Variants in HADHA observed in about 807,000 individuals in gnomAD.
HADHA encodes trifunctional enzyme subunit alpha, mitochondrial.
A neutral mutation model predicts 91.3 loss-of-function variants in HADHA; 59 were observed. The observed-to-expected ratio is 0.65, with a 90% confidence interval of 0.52 to 0.80. The LOEUF (loss-of-function observed/expected upper bound fraction) is 0.80. HADHA is among the 30% of genes least tolerant of loss of function. HADHA has a pLI of 0.00. For synonymous variants in HADHA, 320 were observed against 338.9 expected (o/e 0.94, Z 0.61); for missense variants, 800 against 927.6 (o/e 0.86, Z 1.79).
At chr2:26,234,400 A>G in intron 4 of HADHA, 45 bp from the exon 5 acceptor site, 5 of 1,550,760 alleles carry the variant, frequency 3.2e-6, no homozygotes, top group Non-Finnish European at 4.5e-6. Context: ...AGATAAAACT[A>G]TAATTTATTT....
chr2:26,198,369 G>GTT (rs57357827), intron 13 of HADHA, among the ~76,000 whole-genome samples: 2,233 of 146,896 alleles, frequency 0.015, 44 homozygotes, highest in African/African-American at 0.049. Context: ...ACTTATTCAT[G>GTT]TTTTTTTTTT....
At chr2:26,191,700 A>G in intron 18 of HADHA, 72 bp from the exon 19 acceptor site, 2 of 1,517,618 alleles carry the variant, frequency 1.3e-6, no homozygotes, top group Non-Finnish European at 9.2e-7. Context: ...CAGATGCAGA[A>G]TGGAAGTCGG....
intron 1 of HADHA, 132 bp downstream of exon 1, chr2:26,244,398 C>A (rs1671021552): frequency 8.0e-6 from 7 of 879,940 alleles, no homozygotes; most frequent in Middle Eastern, 3.1e-4. Flanking sequence ...GGTCCCAGGG[C>A]AGTATCCCCA....
chr2:26,244,525 C>T lies in HADHA; in HGVS notation c.67+5G>A. 1.9e-6 allele frequency: 3 copies of T among 1,575,376 alleles called. No homozygotes were observed. The highest frequency in any genetic ancestry group is 2.6e-6 in the Non-Finnish European group (3 of 1,159,864). Reference sequence around the variant, plus strand: ...AGGTCTGGGATGCCCTCGGCCAGGCCTCACCTCGGGAGCGGAGGATCCTGA... The same window carrying T: ...AGGTCTGGGATGCCCTCGGCCAGGCTTCACCTCGGGAGCGGAGGATCCTGA... On this transcript the variant is annotated splice_donor_5th_base_variant and intron_variant, in intron 1 of 19. Transcript: ENST00000380649.
chr2:26,192,238 AAG>A (rs1669528998), intron 18 of HADHA, 70 bp downstream of exon 18: 1 of 801,212 alleles, frequency 1.2e-6, no homozygotes, highest in Non-Finnish European at 2.2e-6. Context: ...AAAAAAATGG[AAG>A]AGGGGCTGGG....
intron 1 of HADHA, among the ~76,000 whole-genome samples, chr2:26,240,609 C>CA (rs1286842436): frequency 1.3e-5 from 2 of 151,522 alleles, no homozygotes; most frequent in Non-Finnish European, 2.9e-5. Context: ...AGCACCTAAG[C>CA]AAAAAAAGGA....
chr2:26,211,036 A>G (rs1574613287), intron 10 of HADHA, among the ~76,000 whole-genome samples: 1 of 152,248 alleles, frequency 6.6e-6, no homozygotes, highest in African/African-American at 2.4e-5. Context: ...TCAATGCTTT[A>G]CTAATCTTGA....
At position 26,192,173 on chromosome 2, in the gene HADHA, A is replaced by G. The variant is rs1574600926; in HGVS notation, c.2000+137T>C. 9 of 645,282 alleles carry G rather than the reference A, an allele frequency of 1.4e-5. No individual in the cohort carries two copies. In the East Asian group the frequency reaches 2.2e-4, roughly 15 times the overall value. The allele number at this position is 645,282 out of a possible 1,614,324, so 40.0% of individuals were successfully genotyped here. A position where few individuals can be genotyped will look rare whatever the true frequency, so the allele number is the denominator to read the frequency against. ...TGGAAGACAGCACCATGGCACGTGT[A>G]TACCTATGTAACAAACCTGCACATG... On this transcript the variant is annotated intron_variant, in intron 18 of 19. Coordinates refer to ENST00000380649, the MANE Select transcript of HADHA (RefSeq NM_000182.5).
intron 11 of HADHA, 57 bp from the exon 12 acceptor site, chr2:26,204,253 A>C: frequency 6.5e-7 from 1 of 1,528,504 alleles, no homozygotes; most frequent in Non-Finnish European, 9.1e-7. Context: ...TTTCAGTCAA[A>C]GTGGAAGATT....
chr2:26,209,722 C>T, intron 11 of HADHA, 58 bp downstream of exon 11: 1 of 856,946 alleles, frequency 1.2e-6, no homozygotes, highest in Non-Finnish European at 2.0e-6. Flanking sequence ...TTCAAAGCCT[C>T]TGTGAACTTT....
At chr2:26,215,857 A>G (rs905261437) in intron 7 of HADHA, among the ~76,000 whole-genome samples, 1 of 152,214 alleles carries the variant, frequency 6.6e-6, no homozygotes, top group African/African-American at 2.4e-5. Flanking sequence ...CTCTCATAGT[A>G]TCATGATGTT....
chr2:26,201,330 A>T lies in HADHA; in HGVS notation c.1221-10T>A. On this transcript the variant is annotated splice_polypyrimidine_tract_variant and intron_variant, in intron 12 of 19. Coordinates refer to ENST00000380649, the MANE Select transcript of HADHA (RefSeq NM_000182.5). Reference sequence around the variant, plus strand: ...CACTTTGTCATTCAATCTAGAAAAAACACATTCCTAGTTAGATGGGAAGAA... The same window carrying T: ...CACTTTGTCATTCAATCTAGAAAAATCACATTCCTAGTTAGATGGGAAGAA... The T allele has an allele frequency of 6.3e-7, 1 of 1,583,412 alleles. No individual in the cohort carries two copies. The highest frequency in any genetic ancestry group is 8.7e-7 in the Non-Finnish European group (1 of 1,152,130).
chr2:26,241,036 T>C (rs1670875799), intron 1 of HADHA, among the ~76,000 whole-genome samples: 1 of 152,230 alleles, frequency 6.6e-6, no homozygotes, highest in South Asian at 2.1e-4. Flanking sequence ...CCTTACTCAC[T>C]ACCTAACTGC....
In HADHA at chr2:26,197,666, G is replaced by T. The variant is rs774485832; in HGVS notation, c.1479+25C>A. On this transcript the variant is annotated intron_variant, in intron 14 of 19. Transcript: ENST00000380649. ...GAATCTGAAGCAATAAAACATCTCA[G>T]GGTTTTTCTCTGTTCCGAGTTTACC... The T allele has an allele frequency of 5.9e-6, 6 of 1,023,478 alleles. No individual in the cohort carries two copies. The South Asian group carries it at 6.3e-5, about 11-fold the overall frequency. The allele number at this position is 1,023,478 out of a possible 1,614,324, so 63.4% of individuals were successfully genotyped here. A position where few individuals can be genotyped will look rare whatever the true frequency, so the allele number is the denominator to read the frequency against.
Position 26,229,348 on chromosome 2 carries a change from G to GCGCACACA in HADHA, c.676+843_676+844insTGTGTGCG, listed in dbSNP as rs1553315305. Among the ~76,000 whole-genome samples, 1,246 of 147,610 alleles carry GCGCACACA rather than the reference G, an allele frequency of 8.4e-3. 9 individuals carry two copies. Among genetic ancestry groups the GCGCACACA allele is most frequent in the African/African-American group, 0.024 (953 of 39,642 alleles). On this transcript the variant is annotated intron_variant, in intron 7 of 19. Transcript: ENST00000380649. This position sits in a 1 kb window ranked among gnomAD's most constrained non-coding sequence, Gnocchi z 4.3. ...GTGAGACCCCAACATGTGTGCGCGC[G>GCGCACACA]CACACACACACACACACACACACAC... is the stretch of plus-strand genomic sequence containing the variant.
intron 6 of HADHA, among the ~76,000 whole-genome samples, 194 bp from the exon 7 acceptor site, chr2:26,230,488 C>A (rs1379830975): frequency 6.6e-6 from 1 of 152,084 alleles, no homozygotes; most frequent in Non-Finnish European, 1.5e-5. Flanking sequence ...GATTAGATAC[C>A]TCTAGCTGAA....
rs542573802 is a variant in HADHA, at chr2:26,206,571, C to G, written c.1086-2375G>C. On this transcript the variant is annotated intron_variant, in intron 11 of 19. Coordinates refer to ENST00000380649, the MANE Select transcript of HADHA (RefSeq NM_000182.5). ...AGTTAGGATGTACAAAAAATTAGTT[C>G]ATGCATGGTTCACGGAAGTATACTT... 2.0e-5 allele frequency among the ~76,000 whole-genome samples: 3 copies of G among 152,254 alleles called. No individual in the cohort carries two copies. The East Asian group carries it at 5.8e-4, about 29-fold the overall frequency.
At position 26,197,759 on chromosome 2, in the gene HADHA, TAC is replaced by T; in HGVS notation, c.1409_1410del (p.Cys470TyrfsTer5). The T allele has an allele frequency of 1.3e-6, 2 of 1,530,912 alleles. No homozygotes were observed. The highest frequency in any genetic ancestry group is 1.8e-6 in the Non-Finnish European group (2 of 1,103,948). The allele number at this position is 1,530,912 out of a possible 1,614,324, so 94.8% of individuals were successfully genotyped here. On this transcript the variant is annotated frameshift_variant, in exon 14 of 20. Coordinates refer to ENST00000380649, the MANE Select transcript of HADHA (RefSeq NM_000182.5). LOFTEE classifies it high-confidence loss of function. ...AGAGCAGATGTGTTACTGGCAAAGATACAGTGATCTGGAATCACCTGCAGGGG... is the reference window on the plus strand; with the variant it reads ...AGAGCAGATGTGTTACTGGCAAAGATAGTGATCTGGAATCACCTGCAGGGG... ...KEVEAVIPDHCIFASNTSALP... is the reference protein window; with the variant it reads ...KEVEAVIPDHXIFASNTSALP...
rs1377804393 is a variant in HADHA, at chr2:26,221,556, A to T, written c.677-6381T>A. 6.6e-6 allele frequency among the ~76,000 whole-genome samples: 1 copy of T among 152,188 alleles called. No individual in the cohort carries two copies. Among genetic ancestry groups the T allele is most frequent in the Non-Finnish European group, 1.5e-5 (1 of 68,032 alleles). On this transcript the variant is annotated intron_variant, in intron 7 of 19. Transcript: ENST00000380649. This position sits in a 1 kb window ranked among gnomAD's most constrained non-coding sequence, Gnocchi z 4.8. ...CTCCATTATCAAATGGAAGTGGTAT[A>T]TGTAAGACTGGGCTTAAACAGACCC...
Sources: gnomAD v4.1 joint callset for allele counts (sites outside exome capture counted in the v4.1 genomes callset) on GRCh38, gnomAD v4.1.1 for gene constraint, Gnocchi (gnomAD v3.1) non-coding constraint, MANE v1.5 for transcripts, NCBI Gene and HGNC (gene_info 2026-07-23, HGNC 2026-07-21) for gene names.